FNIP2: variants seen among roughly 807,000 people sequenced by gnomAD.
The protein encoded by FNIP2 is folliculin interacting protein 2, also known as folliculin-interacting protein 2.
Under a neutral mutation model 108.7 loss-of-function variants are expected in FNIP2, and 32 were observed. That is an observed-to-expected ratio of 0.29 (90% CI 0.22 to 0.40). FNIP2 has a LOEUF of 0.40. Among genes scored for constraint, FNIP2 ranks in the 10% least tolerant of loss-of-function variants. The probability of loss-of-function intolerance (pLI) is 1.00; values close to 1 mark genes in which losing one functional copy is unlikely to be tolerated. For missense variants in FNIP2, 1,202 were observed against 1,381.6 expected (o/e 0.87, Z 2.06); for synonymous variants, 480 against 496.7 (o/e 0.97, Z 0.45).
chr4:158,828,106 C>T (rs922429163), intron 2 of FNIP2, among the ~76,000 whole-genome samples: 5 of 152,122 alleles, frequency 3.3e-5, no homozygotes, highest in South Asian at 4.1e-4. Context: ...TATCCTTATA[C>T]GTTTGTCACT....
intron 10 of FNIP2, among the ~76,000 whole-genome samples, chr4:158,860,304 A>G (rs1176524599): frequency 6.6e-6 from 1 of 152,198 alleles, no homozygotes; most frequent in Non-Finnish European, 1.5e-5. Flanking sequence ...CTGTTATTCC[A>G]TAGAGGAAGG....
chr4:158,871,637 G>A (rs773053182), intron 14 of FNIP2: 269 of 985,376 alleles, frequency 2.7e-4, no homozygotes, highest in Non-Finnish European at 3.1e-4. Flanking sequence ...CAGTGTACAC[G>A]TGTGTGGCCA....
At chr4:158,877,995 G>A (rs1781379544) in intron 14 of FNIP2, among the ~76,000 whole-genome samples, 1 of 151,908 alleles carries the variant, frequency 6.6e-6, no homozygotes, top group Non-Finnish European at 1.5e-5. Context: ...GAGGTAGGAG[G>A]ATTCCAGCAA....
chr4:158,769,320 G>A lies in FNIP2; in HGVS notation c.107+1G>A. 6.7e-7 allele frequency: 1 copy of A among 1,488,658 alleles called. No individual in the cohort carries two copies. Among genetic ancestry groups the A allele is most frequent in the Non-Finnish European group, 8.9e-7 (1 of 1,119,332 alleles). The allele number at this position is 1,488,658 out of a possible 1,614,324, so 92.2% of individuals were successfully genotyped here. A position where few individuals can be genotyped will look rare whatever the true frequency, so the allele number is the denominator to read the frequency against. On this transcript the variant is annotated splice_donor_variant, in intron 1 of 16. Transcript: ENST00000264433. LOFTEE classifies it high-confidence loss of function. ...CTCCTAAGGAAGGACCCGCCTTTAG[G>A]TGAGGGGGCGCCGGGGGGCAATTCT...
intron 16 of FNIP2, among the ~76,000 whole-genome samples, chr4:158,898,870 T>C (rs983030062): frequency 2.6e-5 from 4 of 152,214 alleles, no homozygotes; most frequent in Non-Finnish European, 5.9e-5. Context: ...TCCAATACTA[T>C]GTTGAATAGT....
At chr4:158,891,197 A>AC (rs1782259221) in intron 14 of FNIP2, among the ~76,000 whole-genome samples, 1 of 60,626 alleles carries the variant, frequency 1.6e-5, no homozygotes, top group Non-Finnish European at 3.5e-5. Context: ...CCCCTCCCCC[A>AC]CCCATCCCTC....
In FNIP2 at chr4:158,791,785, G is replaced by A. The variant is rs187488679; in HGVS notation, c.107+22466G>A. Among the ~76,000 whole-genome samples, 207 of 152,144 alleles carry A rather than the reference G, an allele frequency of 1.4e-3. 2 individuals carry two copies. Among genetic ancestry groups the A allele is most frequent in the Admixed American group, 0.013 (191 of 15,278 alleles). On this transcript the variant is annotated intron_variant, in intron 1 of 16. Coordinates refer to ENST00000264433, the MANE Select transcript of FNIP2 (RefSeq NM_020840.3). ...CATTTCCTGTGTGTTCTCTACATTC[G>A]GCATTCTGCAGTCTGAGGGTTATAT...
intron 14 of FNIP2, among the ~76,000 whole-genome samples, chr4:158,875,109 AAG>A (rs1459508664): frequency 6.6e-6 from 1 of 151,860 alleles, no homozygotes; most frequent in East Asian, 1.9e-4. Context: ...AAAGAAAAGA[AAG>A]AGAAAAGAAA....
At position 158,868,919 on chromosome 4, in the gene FNIP2, G is replaced by T. The variant is rs374735752; in HGVS notation, c.2283G>T (p.Pro761=). 172 of 1,613,838 alleles carry T rather than the reference G, an allele frequency of 1.1e-4. No homozygotes were observed. Among genetic ancestry groups the T allele is most frequent in the Non-Finnish European group, 1.4e-4 (164 of 1,179,898 alleles). Residue 761 remains proline (P), a synonymous_variant, in exon 13 of 17, where the codon CCG becomes CCT. Transcript: ENST00000264433. This position sits in a 1 kb window ranked among gnomAD's most constrained non-coding sequence, Gnocchi z 4.6. Reference sequence around the variant, plus strand: ...AGGCTGCTGATGTGGCTCAGGACCCGCAGGTTTCTAGGAGCCCTTTTAAAC... The same window carrying T: ...AGGCTGCTGATGTGGCTCAGGACCCTCAGGTTTCTAGGAGCCCTTTTAAAC... ...ASEAADVAQD[P]QVSRSPFKPG...
intron 14 of FNIP2, among the ~76,000 whole-genome samples, chr4:158,882,553 GA>G (rs1560829605): frequency 6.6e-6 from 1 of 152,270 alleles, no homozygotes; most frequent in Non-Finnish European, 1.5e-5. Context: ...TTGTCGAATA[GA>G]AAAGGGGGAA....
chr4:158,852,010 C>T (rs375176501), intron 8 of FNIP2, among the ~76,000 whole-genome samples: 2 of 152,168 alleles, frequency 1.3e-5, no homozygotes, highest in African/African-American at 2.4e-5. Flanking sequence ...GTTCTTCCTA[C>T]AATCCAAATA....
chr4:158,872,733 TG>T (rs1781024821), intron 14 of FNIP2: 6 of 979,094 alleles, frequency 6.1e-6, no homozygotes, highest in Non-Finnish European at 7.2e-6. Context: ...TCTATGGTAG[TG>T]TTTTTTTTTT....
rs1264523064 is a variant in FNIP2 at position 158,891,607 on chromosome 4, C to A, written c.3111C>A (p.Ser1037=). ...VSSQVSSLLQ[S]ILQLYKLHLP... The stretch of plus-strand genomic sequence containing the variant: ...GTCAGGTGTCCAGTTTGCTTCAGTC[C>A]ATTTTACAGCTCTATAAGCTTCACC... The change falls in exon 15 of 17, where the codon TCC becomes TCA. Residue 1037 remains serine, a synonymous_variant. Transcript: ENST00000264433. 3.7e-6 allele frequency: 6 copies of A among 1,612,948 alleles called. No individual in the cohort carries two copies. The highest frequency in any genetic ancestry group is 5.1e-6 in the Non-Finnish European group (6 of 1,179,522).
At position 158,879,923 on chromosome 4, in the gene FNIP2, A is replaced by C. The variant is rs529257527; in HGVS notation, c.2949+9454A>C. Among the ~76,000 whole-genome samples the C allele has an allele frequency of 2.9e-3, 437 of 150,342 alleles. 39 individuals are homozygous for C. Among genetic ancestry groups the C allele is most frequent in the African/African-American group, 9.9e-3 (400 of 40,426 alleles). ...ATCTCACACCAGTTAGAATGGCAAT[A>C]ATTAAAAAGTCAGGAAACAACAGGT... On this transcript the variant is annotated intron_variant, in intron 14 of 16. Coordinates refer to ENST00000264433, the MANE Select transcript of FNIP2 (RefSeq NM_020840.3).
At chr4:158,824,514 A>G (rs899774902) in intron 1 of FNIP2, among the ~76,000 whole-genome samples, 2 of 152,008 alleles carry the variant, frequency 1.3e-5, no homozygotes, top group African/African-American at 2.4e-5. Flanking sequence ...TGAGCATGCC[A>G]CCAGTGTCTG....
chr4:158,828,144 G>A (rs1218913002), intron 2 of FNIP2, among the ~76,000 whole-genome samples: 2 of 152,066 alleles, frequency 1.3e-5, no homozygotes, highest in Non-Finnish European at 2.9e-5. Flanking sequence ...CAAACTCTAG[G>A]GAATGTATAG....
At position 158,870,413 on chromosome 4, in the gene FNIP2, G is replaced by A. The variant is rs747866319; in HGVS notation, c.2893G>A (p.Gly965Ser). ...GCCTGATCTTGTGCTTCATGGGACC[G>A]GCAGTGATGAGAAGCTGAAGCAGTG... ...YMPDLVLHGT[G>S]SDEKLKQCLV... The change falls in exon 14 of 17, where the codon GGC becomes AGC. Residue 965 changes from glycine (G) to serine (S), a missense_variant. This residue lies in a region of FNIP2 where 142 missense variants were observed against 183.8 expected (regional missense o/e 0.77). Transcript: ENST00000264433. The A allele has an allele frequency of 2.2e-5, 36 of 1,613,864 alleles. No homozygotes were observed. Among genetic ancestry groups the A allele is most frequent in the South Asian group, 3.3e-5 (3 of 91,082 alleles).
chr4:158,779,485 A>C (rs1365466332), intron 1 of FNIP2, among the ~76,000 whole-genome samples: 1 of 152,166 alleles, frequency 6.6e-6, no homozygotes, highest in Non-Finnish European at 1.5e-5. Context: ...ATGACCAAGA[A>C]CTAGAAAGAA....
chr4:158,899,652 T>C (rs1783023815), intron 16 of FNIP2, among the ~76,000 whole-genome samples: 1 of 152,262 alleles, frequency 6.6e-6, no homozygotes, highest in South Asian at 2.1e-4. Context: ...GTGTTTATAG[T>C]ATTCTCTGAT....
Sources: allele counts gnomAD v4.1 joint callset (sites outside exome capture counted in the v4.1 genomes callset), GRCh38; gene constraint gnomAD v4.1.1; regional missense constraint gnomAD v4.1.1; non-coding constraint Gnocchi (gnomAD v3.1); transcripts MANE v1.5; gene names NCBI Gene and HGNC (gene_info 2026-07-23, HGNC 2026-07-21).